IL17B: variants seen among roughly 807,000 people sequenced by gnomAD.
IL17B encodes interleukin-17B.
A neutral mutation model predicts 14.7 loss-of-function variants in IL17B; 14 were observed. The ratio of observed to expected loss-of-function variants is 0.95; its 90% CI spans 0.63 to 1.49. The LOEUF is 1.49. Among genes scored for constraint, IL17B ranks in the 40% most tolerant of loss-of-function variants. The pLI is 0.00. For missense variants in IL17B, 233 were observed against 252.8 expected, an observed-to-expected ratio of 0.92 and a Z score of 0.53; for synonymous variants, 105 against 94.8, an observed-to-expected ratio of 1.11 and a Z score of -0.62.
chr5:149,403,137 T>G (rs1327884820), intron 1 of IL17B, among the ~76,000 whole-genome samples: 5 of 152,254 alleles, frequency 3.3e-5, no homozygotes, highest in African/African-American at 1.2e-4. Context: ...CAGACTGGAA[T>G]GCAGTGATGC....
rs1400390131 is a variant in IL17B at position 149,374,637 on chromosome 5, A to G, written c.312-37T>C. 1.3e-6 allele frequency: 2 copies of G among 1,553,032 alleles called. No individual in the cohort carries two copies. Among genetic ancestry groups the G allele is most frequent in the East Asian group, 2.3e-5 (1 of 44,036 alleles). On this transcript the variant is annotated intron_variant, in intron 2 of 2. Transcript: ENST00000261796. The surrounding 1 kb of genome is among the most constrained non-coding windows in gnomAD (Gnocchi z 5.0). ...AGAAGAAAGAGCAGAGCGGAAGGTGATCAGGAAAGGGCCAGTCAGCACCCA... is the reference window on the plus strand; with the variant it reads ...AGAAGAAAGAGCAGAGCGGAAGGTGGTCAGGAAAGGGCCAGTCAGCACCCA...
chr5:149,379,545 G>A (rs1270793151), upstream of IL17B, among the ~76,000 whole-genome samples: 1 of 152,232 alleles, frequency 6.6e-6, no homozygotes, highest in Non-Finnish European at 1.5e-5. Flanking sequence ...GCCTGCGGCC[G>A]GCCGCCCAGC....
chr5:149,400,531 A>G (rs1356999887), intron 1 of IL17B, among the ~76,000 whole-genome samples: 1 of 152,258 alleles, frequency 6.6e-6, no homozygotes, highest in African/African-American at 2.4e-5. Flanking sequence ...TGGCAGAGGC[A>G]GGAGTGACCT....
chr5:149,388,564 C>T (rs373802944), intron 1 of IL17B, among the ~76,000 whole-genome samples: 99 of 152,274 alleles, frequency 6.5e-4, no homozygotes, highest in African/African-American at 2.3e-3. Flanking sequence ...TGACTCTTTG[C>T]GAATATACAG....
At chr5:149,387,771 G>A (rs1340234241) in intron 1 of IL17B, among the ~76,000 whole-genome samples, 1 of 94,268 alleles carries the variant, frequency 1.1e-5, no homozygotes, top group African/African-American at 4.9e-5. Context: ...GCATGCCCCT[G>A]TCTCAAAAAA....
At chr5:149,387,492 G>C (rs1758849154) in intron 1 of IL17B, among the ~76,000 whole-genome samples, 1 of 152,178 alleles carries the variant, frequency 6.6e-6, no homozygotes, top group Admixed American at 6.5e-5. Flanking sequence ...TTTTAGCTCA[G>C]GCGCCGTGGC....
chr5:149,384,467 A>G (rs887879646), intron 1 of IL17B, among the ~76,000 whole-genome samples: 2 of 152,108 alleles, frequency 1.3e-5, no homozygotes, highest in African/African-American at 4.8e-5. Context: ...TGTATGTGCT[A>G]TTTTTGCTTT....
rs150719306 is a variant in IL17B, at chr5:149,374,414, G to A, written c.498C>T (p.Arg166=). ...CCACAGCGATGGTCTCCATGACTGCGCGCTGGCGGCAAGGCCCTGTGCGGG... is the reference window on the plus strand; with the variant it reads ...CCACAGCGATGGTCTCCATGACTGCACGCTGGCGGCAAGGCCCTGTGCGGG... ...PPPRTGPCRQ[R]AVMETIAVGC... is the part of the protein sequence containing the mutation. Residue 166 remains arginine, a synonymous_variant, in exon 3 of 3, where the codon CGC becomes CGT. Coordinates refer to ENST00000261796, the MANE Select transcript of IL17B (RefSeq NM_014443.3). The surrounding 1 kb of genome is among the most constrained non-coding windows in gnomAD (Gnocchi z 5.0). The A allele has an allele frequency of 1.5e-5, 24 of 1,603,656 alleles. No individual in the cohort carries two copies. Among genetic ancestry groups the A allele is most frequent in the African/African-American group, 1.1e-4 (8 of 74,832 alleles).
intron 2 of IL17B, 26 bp downstream of exon 2, chr5:149,376,710 C>T (rs1758549678): frequency 4.4e-6 from 7 of 1,576,642 alleles, no homozygotes; most frequent in Non-Finnish European, 5.2e-6. Flanking sequence ...CCCCCAAAGA[C>T]AGCTTGCCAC....
upstream of IL17B, among the ~76,000 whole-genome samples, chr5:149,383,159 T>C (rs1758743628): frequency 2.0e-5 from 3 of 152,202 alleles, no homozygotes; most frequent in South Asian, 6.2e-4. Flanking sequence ...GTTGTGAGGA[T>C]CAAATGAGAT....
At chr5:149,382,120 A>T (rs1043178813), upstream of IL17B, among the ~76,000 whole-genome samples, 2 of 152,108 alleles carry the variant, frequency 1.3e-5, no homozygotes, top group Non-Finnish European at 2.9e-5. Context: ...GGGAACTTGC[A>T]CTCTGCCACC....
At chr5:149,388,017 A>G (rs1758861450) in intron 1 of IL17B, among the ~76,000 whole-genome samples, 1 of 152,312 alleles carries the variant, frequency 6.6e-6, no homozygotes, top group Non-Finnish European at 1.5e-5. Context: ...AACCAGCAGC[A>G]GTTAGAGGTG....
chr5:149,384,995 G>A (rs1303456283), intron 1 of IL17B, among the ~76,000 whole-genome samples: 4 of 148,506 alleles, frequency 2.7e-5, no homozygotes, highest in African/African-American at 7.4e-5. Flanking sequence ...TGCAGCCTCC[G>A]CCTCCCAGGT....
At chr5:149,393,603 T>C (rs2127621695) in intron 1 of IL17B, among the ~76,000 whole-genome samples, 1 of 152,354 alleles carries the variant, frequency 6.6e-6, no homozygotes, top group East Asian at 1.9e-4. Context: ...CCTTATAGTG[T>C]AATTATTTTT....
chr5:149,395,384 A>G (rs998371011), intron 1 of IL17B, among the ~76,000 whole-genome samples: 4 of 152,152 alleles, frequency 2.6e-5, no homozygotes, highest in African/African-American at 9.7e-5. Flanking sequence ...AAATTTTCCC[A>G]TCTTCTGTGC....
At chr5:149,391,992 T>C (rs987633951) in intron 1 of IL17B, among the ~76,000 whole-genome samples, 1 of 152,188 alleles carries the variant, frequency 6.6e-6, no homozygotes, top group Non-Finnish European at 1.5e-5. Context: ...TTACTCTCTC[T>C]CCCAGGCTGC....
chr5:149,377,065 GTC>G, intron 1 of IL17B, 40 bp from the exon 2 acceptor site: 2 of 1,498,784 alleles, frequency 1.3e-6, no homozygotes, highest in Non-Finnish European at 1.8e-6. Context: ...GGAGAGCCAA[GTC>G]TCTATCTGGG....
At chr5:149,400,164 G>T (rs1759178570) in intron 1 of IL17B, among the ~76,000 whole-genome samples, 2 of 152,094 alleles carry the variant, frequency 1.3e-5, no homozygotes, top group Non-Finnish European at 2.9e-5. Flanking sequence ...TAGTTAATAT[G>T]AGGTCAGACT....
chr5:149,379,100 A>G, intron 1 of IL17B, 105 bp downstream of exon 1: 1 of 1,389,656 alleles, frequency 7.2e-7, no homozygotes, highest in Non-Finnish European at 1.0e-6. Context: ...TTGCCTCTGC[A>G]GATTCTAAAC....
Sources: allele counts gnomAD v4.1 joint callset (sites outside exome capture counted in the v4.1 genomes callset), GRCh38; gene constraint gnomAD v4.1.1; non-coding constraint Gnocchi (gnomAD v3.1); transcripts MANE v1.5; gene names NCBI Gene and HGNC (gene_info 2026-07-23, HGNC 2026-07-21).